The following DPP6 variants were observed in gnomAD, a reference collection of about 807,000 sequenced individuals.
DPP6 encodes A-type potassium channel modulatory protein DPP6.
In DPP6, 69 loss-of-function variants were observed where a neutral mutation model predicts 122.6. That is an observed-to-expected ratio of 0.56 (90% CI 0.46 to 0.69). The LOEUF is 0.69. Ranked by LOEUF, DPP6 falls within the 30% of genes least tolerant of loss-of-function variation. The pLI is 0.00. For missense variants in DPP6, 928 were observed against 1,116.9 expected (o/e 0.83, Z 2.41); for synonymous variants, 418 against 433.1 (o/e 0.97, Z 0.43).
At chr7:154,436,235 T>G (rs544849122) in intron 1 of DPP6, among the ~76,000 whole-genome samples, 16 of 151,002 alleles carry the variant, frequency 1.1e-4, no homozygotes, top group African/African-American at 2.9e-4. Context: ...TCATCTCGGA[T>G]GCTTCACGCC....
chr7:153,867,942 C>A, the DPP6 span, among the ~76,000 whole-genome samples: 2 of 152,090 alleles, frequency 1.3e-5, no homozygotes, highest in Admixed American at 6.6e-5. Flanking sequence ...TGTTTATATG[C>A]TGGATTACGT....
At chr7:154,701,266 G>A (rs1840510713) in intron 7 of DPP6, among the ~76,000 whole-genome samples, 1 of 152,150 alleles carries the variant, frequency 6.6e-6, no homozygotes. Flanking sequence ...TTTCTCCTCT[G>A]CCTCTCATCA....
At chr7:154,498,392 G>A (rs560444165) in intron 3 of DPP6, among the ~76,000 whole-genome samples, 30 of 152,162 alleles carry the variant, frequency 2.0e-4, no homozygotes, top group African/African-American at 4.6e-4. Flanking sequence ...AGGCTGGAGC[G>A]CAGTGGCATG....
chr7:154,563,096 A>T (rs970856367), intron 4 of DPP6, among the ~76,000 whole-genome samples: 10 of 152,216 alleles, frequency 6.6e-5, no homozygotes, highest in African/African-American at 2.4e-4. Context: ...CAAGGCAGTT[A>T]ATATCTAGAT....
chr7:153,822,179 A>ATTTTTTTTTTTTTTT, the DPP6 span, among the ~76,000 whole-genome samples: 1 of 95,146 alleles, frequency 1.1e-5, no homozygotes. Context: ...AAGGGGGGGA[A>ATTTTTTTTTTTTTTT]TCTTTTTTTT....
At chr7:154,300,123 G>A (rs188789485) in intron 1 of DPP6, among the ~76,000 whole-genome samples, 72 of 152,346 alleles carry the variant, frequency 4.7e-4, no homozygotes, top group Admixed American at 2.1e-3. Flanking sequence ...AAAAGTGCCC[G>A]TGGGAGTGGG....
intron 2 of DPP6, among the ~76,000 whole-genome samples, chr7:154,470,359 G>C (rs1453834298): frequency 6.6e-6 from 1 of 152,178 alleles, no homozygotes; most frequent in African/African-American, 2.4e-5. Context: ...CTTTAGAGTT[G>C]TCAGTTATTC....
chr7:154,812,000 T>TA (rs1799091044), intron 16 of DPP6, among the ~76,000 whole-genome samples: 3 of 152,202 alleles, frequency 2.0e-5, no homozygotes, highest in African/African-American at 7.2e-5. Flanking sequence ...TTCTCTATGG[T>TA]AAAATCTGTA....
At chr7:154,757,963 GCTCTCCCCCCCGCC>G (rs1029578823) in intron 8 of DPP6, among the ~76,000 whole-genome samples, 6 of 152,160 alleles carry the variant, frequency 3.9e-5, no homozygotes, top group East Asian at 1.9e-4. Flanking sequence ...CAAGTGCCGC[GCTCTCCCCCCCGCC>G]CTCTCCCCGC....
chr7:154,572,334 G>A (rs1204276393), intron 5 of DPP6, among the ~76,000 whole-genome samples: 1 of 151,982 alleles, frequency 6.6e-6, no homozygotes, highest in Non-Finnish European at 1.5e-5. Context: ...CACCCATCTG[G>A]TCGAGTTACC....
rs1801164922 is a variant in DPP6 at position 154,058,625 on chromosome 7, A to AC, written c.243+5565dup. 1.4e-5 allele frequency: 2 copies of AC among 144,648 alleles called. 1 individual carries two copies. The highest frequency in any genetic ancestry group is 3.0e-5 in the Non-Finnish European group (2 of 66,862). The allele number at this position is 144,648 out of a possible 1,614,324, so 9.0% of individuals were successfully genotyped here. ...GACCCTCTTCCCCCCCCAGCTTAGGACCCACATCGTTGATCCTAAGATCCT... is the reference window on the plus strand; with the variant it reads ...GACCCTCTTCCCCCCCCAGCTTAGGACCCCACATCGTTGATCCTAAGATCCT... On this transcript the variant is annotated intron_variant, in intron 1 of 25. Transcript: ENST00000377770.
chr7:154,683,500 A>G (rs922050583), intron 7 of DPP6, among the ~76,000 whole-genome samples: 1 of 152,026 alleles, frequency 6.6e-6, no homozygotes, highest in Non-Finnish European at 1.5e-5. Context: ...TTCTGTTCCC[A>G]CCATCACCTC....
At chr7:154,205,851 A>G (rs1454322872) in intron 1 of DPP6, among the ~76,000 whole-genome samples, 4 of 152,036 alleles carry the variant, frequency 2.6e-5, no homozygotes, top group African/African-American at 9.7e-5. Context: ...GGGGATTCTC[A>G]GCCATCCCAG....
In DPP6 at chr7:154,159,286, A is replaced by G. The variant is rs1463331077; in HGVS notation, c.243+106223A>G. 3.9e-5 allele frequency among the ~76,000 whole-genome samples: 6 copies of G among 152,168 alleles called. No individual in the cohort carries two copies. In the East Asian group the frequency reaches 9.7e-4, roughly 24 times the overall value. On this transcript the variant is annotated intron_variant, in intron 1 of 25. Coordinates refer to ENST00000377770, the MANE Select transcript of DPP6 (RefSeq NM_130797.4). Reference sequence around the variant, plus strand: ...CGGTTCCTGTTTCTTCAGTTCCACCAAACCAGCCAGTGTTCTCCCACCCAT... The same window carrying G: ...CGGTTCCTGTTTCTTCAGTTCCACCGAACCAGCCAGTGTTCTCCCACCCAT...
Position 154,020,517 on chromosome 7 carries a change from G to A in DPP6, c.51+132783G>A, listed in dbSNP as rs1386169749. On this transcript the variant is annotated intron_variant, in intron 1 of 25. Transcript: ENST00000404039. ...AGTCAGAGTTGGGACCAGGTCTTCTGGTTCTGATCCAGAGCTTTTTCTCCT... is the reference window on the plus strand; with the variant it reads ...AGTCAGAGTTGGGACCAGGTCTTCTAGTTCTGATCCAGAGCTTTTTCTCCT... Among the ~76,000 whole-genome samples the A allele has an allele frequency of 5.9e-5, 9 of 152,144 alleles. No homozygotes were observed. The East Asian group carries it at 9.7e-4, about 16-fold the overall frequency.
intron 1 of DPP6, among the ~76,000 whole-genome samples, chr7:153,977,580 T>G (rs1796373755): frequency 6.6e-6 from 1 of 152,228 alleles, no homozygotes; most frequent in African/African-American, 2.4e-5. Context: ...TATTATACTT[T>G]AAGTTCTGGG....
intron 1 of DPP6, among the ~76,000 whole-genome samples, chr7:154,218,784 T>C (rs922203725): frequency 8.5e-5 from 13 of 152,186 alleles, no homozygotes; most frequent in African/African-American, 3.1e-4. Flanking sequence ...AGTCCAGAAT[T>C]GTAAATCACT....
chr7:154,007,361 A>C (rs1168087559), intron 1 of DPP6, among the ~76,000 whole-genome samples: 1 of 152,162 alleles, frequency 6.6e-6, no homozygotes, highest in East Asian at 1.9e-4. Flanking sequence ...GTTGTTCTTG[A>C]AAAATCACCG....
intron 7 of DPP6, among the ~76,000 whole-genome samples, chr7:154,693,081 T>C (rs749873217): frequency 6.7e-6 from 1 of 149,492 alleles, no homozygotes; most frequent in Non-Finnish European, 1.5e-5. Flanking sequence ...TGTGAGCCAC[T>C]GGGCCTGGCC....
Sources: gnomAD v4.1 joint callset for allele counts (sites outside exome capture counted in the v4.1 genomes callset) on GRCh38, gnomAD v4.1.1 for gene constraint, MANE v1.5 for transcripts, NCBI Gene and HGNC (gene_info 2026-07-23, HGNC 2026-07-21) for gene names.